The following JAZF1 variants were observed in gnomAD, a reference collection of about 807,000 sequenced individuals.
The protein encoded by JAZF1 is JAZF zinc finger 1, also known as juxtaposed with another zinc finger protein 1.
Under a neutral mutation model 26.4 loss-of-function variants are expected in JAZF1, and 8 were observed. The ratio of observed to expected loss-of-function variants is 0.30; its 90% CI spans 0.18 to 0.55. JAZF1 has a LOEUF of 0.55. JAZF1 is among the 20% of genes least tolerant of loss of function. JAZF1 has a pLI of 0.94. For synonymous variants in JAZF1, 126 were observed against 122.3 expected, an observed-to-expected ratio of 1.03 and a Z score of -0.20; for missense variants, 199 against 322.0, an observed-to-expected ratio of 0.62 and a Z score of 2.92.
intron 3 of JAZF1, among the ~76,000 whole-genome samples, chr7:27,856,475 C>T (rs1783256737): frequency 6.6e-6 from 1 of 152,190 alleles, no homozygotes; most frequent in Non-Finnish European, 1.5e-5. Flanking sequence ...ACTGCTGATT[C>T]AGGCAGCCTG....
At chr7:27,957,736 T>C (rs956015180) in intron 2 of JAZF1, among the ~76,000 whole-genome samples, 3 of 152,360 alleles carry the variant, frequency 2.0e-5, no homozygotes, top group South Asian at 2.1e-4. Context: ...GAGGATTTAA[T>C]GACTTCTTAA....
intron 4 of JAZF1, among the ~76,000 whole-genome samples, chr7:27,834,151 C>CTTT (rs1782761931): frequency 6.6e-6 from 1 of 152,188 alleles, no homozygotes; most frequent in Admixed American, 6.5e-5. Context: ...AAAGAGCTCC[C>CTTT]AGAAAACAGC....
At chr7:28,138,023 C>A (rs1357890457) in intron 1 of JAZF1, among the ~76,000 whole-genome samples, 1 of 152,200 alleles carries the variant, frequency 6.6e-6, no homozygotes, top group East Asian at 1.9e-4. Context: ...GATAATCTCA[C>A]TCAGAGCCCT....
At chr7:28,043,350 G>A (rs528789962) in intron 1 of JAZF1, among the ~76,000 whole-genome samples, 13 of 152,028 alleles carry the variant, frequency 8.6e-5, no homozygotes, top group Non-Finnish European at 1.3e-4. Context: ...TGCATCTTTC[G>A]GCTCAAGTGT....
chr7:28,152,239 A>G (rs1783121697), intron 1 of JAZF1, among the ~76,000 whole-genome samples: 1 of 152,246 alleles, frequency 6.6e-6, no homozygotes, highest in Non-Finnish European at 1.5e-5. Flanking sequence ...GTTTCATGAC[A>G]GGGTTGCTAA....
chr7:28,022,228 TC>T (rs1783017925), intron 1 of JAZF1, among the ~76,000 whole-genome samples: 1 of 152,252 alleles, frequency 6.6e-6, no homozygotes, highest in African/African-American at 2.4e-5. Flanking sequence ...AATTGGGTTT[TC>T]ATCTGAATTT....
intron 1 of JAZF1, among the ~76,000 whole-genome samples, chr7:28,004,947 T>TACCTG (rs1220960958): frequency 6.6e-6 from 1 of 152,210 alleles, no homozygotes; most frequent in Non-Finnish European, 1.5e-5. Context: ...CCACAAGACC[T>TACCTG]ACCTGAAATC....
intron 1 of JAZF1, among the ~76,000 whole-genome samples, chr7:28,093,671 G>A (rs758785262): frequency 7.2e-5 from 11 of 152,152 alleles, no homozygotes; most frequent in African/African-American, 9.7e-5. Context: ...CTCAGGCGGC[G>A]CGTTCACTGG....
chr7:27,962,164 CACTT>C (rs1339026521), intron 2 of JAZF1, among the ~76,000 whole-genome samples: 4 of 152,276 alleles, frequency 2.6e-5, no homozygotes, highest in African/African-American at 7.2e-5. Context: ...TGGATATTCT[CACTT>C]AATTTATTGA....
chr7:27,909,321 G>C (rs1784318862), intron 2 of JAZF1, among the ~76,000 whole-genome samples: 1 of 152,050 alleles, frequency 6.6e-6, no homozygotes, highest in East Asian at 1.9e-4. Context: ...GGTAAACTGT[G>C]AACTGTGTGT....
At chr7:27,992,569 T>C (rs1377385493) in intron 1 of JAZF1, among the ~76,000 whole-genome samples, 1 of 152,176 alleles carries the variant, frequency 6.6e-6, no homozygotes, top group Non-Finnish European at 1.5e-5. Flanking sequence ...CAGAGGACTT[T>C]TCCCCTCAAA....
chr7:28,047,107 A>G (rs1783509588), intron 1 of JAZF1, among the ~76,000 whole-genome samples: 2 of 152,164 alleles, frequency 1.3e-5, no homozygotes, highest in Admixed American at 6.5e-5. Flanking sequence ...AGGGATCTAA[A>G]TATCTATTTT....
At chr7:28,175,629 T>C (rs1001386407) in intron 1 of JAZF1, among the ~76,000 whole-genome samples, 5 of 152,208 alleles carry the variant, frequency 3.3e-5, no homozygotes, top group African/African-American at 1.2e-4. Context: ...GGATTCGCTA[T>C]GCCACTGCTC....
intron 2 of JAZF1, among the ~76,000 whole-genome samples, chr7:27,928,774 C>T (rs1001146515): frequency 6.6e-6 from 1 of 152,242 alleles, no homozygotes; most frequent in South Asian, 2.1e-4. Flanking sequence ...ATAACACACA[C>T]TGGGGCCTGT....
In JAZF1 at chr7:28,156,624, G is replaced by A. The variant is rs80138222; in HGVS notation, c.115+23839C>T. 3.7e-3 allele frequency among the ~76,000 whole-genome samples: 559 copies of A among 152,284 alleles called. 1 individual carries two copies. The highest frequency in any genetic ancestry group is 0.01 in the Middle Eastern group (3 of 294). ...GTGTATTGAAATTACCTGGGAATTT[G>A]TTGAAACACAAATTGCTGGGTCTCA... is the stretch of plus-strand genomic sequence containing the variant. On this transcript the variant is annotated intron_variant, in intron 1 of 4. Transcript: ENST00000283928.
intron 1 of JAZF1, among the ~76,000 whole-genome samples, chr7:28,084,867 T>C (rs1358637733): frequency 1.3e-5 from 2 of 152,174 alleles, no homozygotes; most frequent in Non-Finnish European, 2.9e-5. Context: ...TATTGAGAGG[T>C]GGGGCCTTTA....
At chr7:28,070,632 T>C (rs1016482721) in intron 1 of JAZF1, among the ~76,000 whole-genome samples, 1 of 152,180 alleles carries the variant, frequency 6.6e-6, no homozygotes, top group African/African-American at 2.4e-5. Flanking sequence ...ATCTAGCTCT[T>C]CTTAGACTTT....
intron 2 of JAZF1, among the ~76,000 whole-genome samples, chr7:27,898,277 C>T (rs992550252): frequency 2.9e-4 from 24 of 83,470 alleles, no homozygotes; most frequent in Admixed American, 8.4e-4. Context: ...GGCTTCTCTA[C>T]GTCTAACTCA....
intron 2 of JAZF1, among the ~76,000 whole-genome samples, chr7:27,971,175 C>T (rs1785369810): frequency 6.6e-6 from 1 of 152,204 alleles, no homozygotes; most frequent in African/African-American, 2.4e-5. Context: ...GAAGACTTGA[C>T]TGTCTTCATT....
Sources: gnomAD v4.1 joint callset for allele counts (sites outside exome capture counted in the v4.1 genomes callset) on GRCh38, gnomAD v4.1.1 for gene constraint, MANE v1.5 for transcripts, NCBI Gene and HGNC (gene_info 2026-07-23, HGNC 2026-07-21) for gene names.